The following GLS variants were observed in gnomAD, a reference collection of about 807,000 sequenced individuals.
The protein encoded by GLS is glutaminase kidney isoform, mitochondrial.
GLS carries 36 observed loss-of-function variants against 86.7 expected under a neutral mutation model. The ratio of observed to expected loss-of-function variants is 0.42; its 90% confidence interval spans 0.32 to 0.55. The LOEUF (loss-of-function observed/expected upper bound fraction) is 0.55, where lower values mean the gene tolerates loss of function less well. Ranked by LOEUF, GLS falls within the 20% of genes least tolerant of loss-of-function variation. The pLI is 0.17. For synonymous variants in GLS, 317 were observed against 305.9 expected (o/e 1.04, Z -0.38); for missense variants, 528 against 833.4 (o/e 0.63, Z 4.51).
intron 14 of GLS, among the ~76,000 whole-genome samples, chr2:190,946,471 G>T (rs985847538): frequency 6.6e-6 from 1 of 151,890 alleles, no homozygotes; most frequent in Admixed American, 6.6e-5. Context: ...AACTAGAGGT[G>T]GTAGAAACAG....
At chr2:190,915,008 A>G (rs1049725766) in intron 7 of GLS, among the ~76,000 whole-genome samples, 1 of 152,002 alleles carries the variant, frequency 6.6e-6, no homozygotes, top group Non-Finnish European at 1.5e-5. Context: ...ATTTACAGAA[A>G]AATTTTATAA....
intron 14 of GLS, chr2:190,934,323 A>G: frequency 1.0e-6 from 1 of 963,992 alleles, no homozygotes; most frequent in Non-Finnish European, 1.2e-6. Flanking sequence ...GGGAACTGTG[A>G]TATTAAGAAA....
In GLS at chr2:190,953,950, ATGTGTGTGTGTGTGTGTGTGTGTGTGTG is replaced by A. The variant is rs57991546; in HGVS notation, c.1712+343_1712+370del. 3.7e-5 allele frequency among the ~76,000 whole-genome samples: 5 copies of A among 136,768 alleles called. No homozygotes were observed. Among genetic ancestry groups the A allele is most frequent in the South Asian group, 2.6e-4 (1 of 3,892 alleles). The allele number at this position is 136,768 out of a possible 152,430, so 89.7% of individuals were successfully genotyped here. On this transcript the variant is annotated intron_variant, in intron 15 of 17. Transcript: ENST00000320717. This position sits in a 1 kb window ranked among gnomAD's most constrained non-coding sequence, Gnocchi z 4.0. The stretch of plus-strand genomic sequence containing the variant: ...CTACCCTCCATTCCCAATCTTTGAT[ATGTGTGTGTGTGTGTGTGTGTGTGTGTG>A]TGTGTGTGTGTGTGTGTGAAGCAGC...
Position 190,953,274 on chromosome 2 carries a change from C to A in GLS, c.1651-291C>A, listed in dbSNP as rs947033917. On this transcript the variant is annotated intron_variant, in intron 14 of 17. Transcript: ENST00000320717. This position sits in a 1 kb window ranked among gnomAD's most constrained non-coding sequence, Gnocchi z 4.0. ...GCTTCTAAACAATTTTCAGTTGCCC[C>A]AACTGTATGAGTTTCACAAAATTCC... Among the ~76,000 whole-genome samples the A allele has an allele frequency of 2.6e-5, 4 of 152,178 alleles. No homozygotes were observed. Among genetic ancestry groups the A allele is most frequent in the Non-Finnish European group, 4.4e-5 (3 of 68,020 alleles).
At position 190,921,307 on chromosome 2, in the gene GLS, C is replaced by T; in HGVS notation, c.1130+104C>T. On this transcript the variant is annotated intron_variant, in intron 9 of 17. Coordinates refer to ENST00000320717, the MANE Select transcript of GLS (RefSeq NM_014905.5). The surrounding 1 kb of genome is among the most constrained non-coding windows in gnomAD (Gnocchi z 4.2). ...GGGAAATGAATGATTTCTAAATTAC[C>T]TGACAGAAACACTTAAAAATACTTT... 8.5e-6 allele frequency: 7 copies of T among 822,862 alleles called. No homozygotes were observed. The South Asian group carries it at 1.0e-4, about 12-fold the overall frequency. 51.0% of individuals were successfully genotyped at this position (822,862 alleles called of 1,614,324 possible).
At chr2:190,906,369 G>A (rs1287961104) in intron 6 of GLS, among the ~76,000 whole-genome samples, 1 of 152,090 alleles carries the variant, frequency 6.6e-6, no homozygotes, top group Non-Finnish European at 1.5e-5. Flanking sequence ...TAATTTGAAT[G>A]TTTAGAGGAT....
chr2:190,880,846 G>C lies in GLS; in HGVS notation c.-239G>C. The C allele has an allele frequency of 3.7e-6, 3 of 805,426 alleles. No individual in the cohort carries two copies. The highest frequency in any genetic ancestry group is 6.1e-6 in the Non-Finnish European group (3 of 492,740). The allele number at this position is 805,426 out of a possible 1,614,324, so 49.9% of individuals were successfully genotyped here. On this transcript the variant is annotated 5_prime_UTR_variant, in exon 1 of 18. Transcript: ENST00000320717. ...AGTGCGGAGCCTTAGGCGGAGCGAA[G>C]AGAACCGGTCGCGGCAATCCTAGCG...
chr2:190,885,703 CAT>C lies in GLS; in HGVS notation c.386+4236_386+4237del, dbSNP rs546066957. ...ATTTGGTTTTAATTTTAAAAGCTAA[CAT>C]ATTTACAATTCACTTAAGCTAAAAT... On this transcript the variant is annotated intron_variant, in intron 1 of 17. Coordinates refer to ENST00000320717, the MANE Select transcript of GLS (RefSeq NM_014905.5). 6.1e-3 allele frequency among the ~76,000 whole-genome samples: 932 copies of C among 152,214 alleles called. 8 individuals carry two copies. The highest frequency in any genetic ancestry group is 0.021 in the African/African-American group (888 of 41,538).
rs907740702 is a variant in GLS, at chr2:190,895,392, G to C, written c.483+144G>C. 13 of 541,730 alleles carry C rather than the reference G, an allele frequency of 2.4e-5. No individual in the cohort carries two copies. Among genetic ancestry groups the C allele is most frequent in the Non-Finnish European group, 3.9e-5 (12 of 308,580 alleles). 33.6% of individuals were successfully genotyped at this position (541,730 alleles called of 1,614,324 possible). ...TCTCTTATTATGTTTTCAAATTTTT[G>C]TCATGCTCATTTCAAGGTAATCAGT... On this transcript the variant is annotated intron_variant, in intron 2 of 17. Coordinates refer to ENST00000320717, the MANE Select transcript of GLS (RefSeq NM_014905.5). The surrounding 1 kb of genome is among the most constrained non-coding windows in gnomAD (Gnocchi z 4.2).
chr2:190,941,375 A>G (rs1448645510), intron 14 of GLS, among the ~76,000 whole-genome samples: 3 of 152,214 alleles, frequency 2.0e-5, no homozygotes, highest in Non-Finnish European at 2.9e-5. Context: ...CAAATATGCA[A>G]TGTAGTTACT....
At position 190,933,676 on chromosome 2, in the gene GLS, T is replaced by C. The variant is rs1003335876; in HGVS notation, c.1650+2039T>C. ...CAAGTGAATTGTTCACCTAAACAAT[T>C]TTATTTTCATATTATCCACATAACT... On this transcript the variant is annotated intron_variant, in intron 14 of 17. Coordinates refer to ENST00000320717, the MANE Select transcript of GLS (RefSeq NM_014905.5). The C allele has an allele frequency of 3.1e-6, 3 of 959,502 alleles. No homozygotes were observed. The African/African-American group carries it at 5.3e-5, about 17-fold the overall frequency. The allele number at this position is 959,502 out of a possible 1,614,324, so 59.4% of individuals were successfully genotyped here.
rs1001902024 is a variant in GLS at position 190,921,180 on chromosome 2, A to G, written c.1107A>G (p.Glu369=). Residue 369 remains glutamate, a synonymous_variant, in exon 9 of 18, where the codon GAA becomes GAG. Transcript: ENST00000320717. This position sits in a 1 kb window ranked among gnomAD's most constrained non-coding sequence, Gnocchi z 4.2. ...MQFLNKMAGN[E]YVGFSNATFQ... ...TTTTGAATAAGATGGCTGGTAATGA[A>G]TATGTTGGATTCAGTAATGCAACGT... 1.2e-6 allele frequency: 2 copies of G among 1,608,046 alleles called. No individual in the cohort carries two copies. Among genetic ancestry groups the G allele is most frequent in the African/African-American group, 1.3e-5 (1 of 74,760 alleles).
At chr2:190,900,100 A>G (rs1277045384) in intron 3 of GLS, among the ~76,000 whole-genome samples, 1 of 152,162 alleles carries the variant, frequency 6.6e-6, no homozygotes, top group Non-Finnish European at 1.5e-5. Context: ...AAAATATGTT[A>G]TAATGCAAAA....
rs1360913992 is a variant in GLS, at chr2:190,949,107, A to G, written c.1651-4458A>G. 6.6e-6 allele frequency among the ~76,000 whole-genome samples: 1 copy of G among 152,186 alleles called. No individual in the cohort carries two copies. Among genetic ancestry groups the G allele is most frequent in the Non-Finnish European group, 1.5e-5 (1 of 68,030 alleles). ...GGTGTTCTTAAGAGCATAGACACCA[A>G]GACAAAAACAAGGGCAGTAAGACCA... On this transcript the variant is annotated intron_variant, in intron 14 of 17. Transcript: ENST00000320717. This position sits in a 1 kb window ranked among gnomAD's most constrained non-coding sequence, Gnocchi z 4.0.
intron 14 of GLS, among the ~76,000 whole-genome samples, chr2:190,941,729 AAAG>A (rs10532100): frequency 0.92 from 140,177 of 151,870 alleles, 64,754 homozygotes; most frequent in Non-Finnish European, 0.94. Context: ...TGAGAAGGGG[AAAG>A]AAGAAGGCAA....
intron 17 of GLS, among the ~76,000 whole-genome samples, chr2:190,958,879 GA>G (rs1247886437): frequency 6.6e-6 from 1 of 152,158 alleles, no homozygotes; most frequent in Non-Finnish European, 1.5e-5. Context: ...GTGGTGCTGA[GA>G]AAAATGTATA....
rs1300801457 is a variant in GLS at position 190,954,721 on chromosome 2, A to C, written c.1790-34A>C. ...AGATTTAATTTCTACTTAGTACTAA[A>C]ATCTGCTCTTTTTTTGGGGGTGGGA... On this transcript the variant is annotated intron_variant, in intron 16 of 17. Transcript: ENST00000320717. The surrounding 1 kb of genome is among the most constrained non-coding windows in gnomAD (Gnocchi z 4.0). 1 of 1,613,234 alleles carries C rather than the reference A, an allele frequency of 6.2e-7. No homozygotes were observed. Among genetic ancestry groups the C allele is most frequent in the African/African-American group, 1.3e-5 (1 of 75,026 alleles).
At chr2:190,929,853 TA>T (rs201963406) in intron 12 of GLS, among the ~76,000 whole-genome samples, 2 of 151,348 alleles carry the variant, frequency 1.3e-5, no homozygotes, top group Non-Finnish European at 2.9e-5. Context: ...TATATATATA[TA>T]TTTTTTTTTT....
chr2:190,934,538 T>C (rs1257663418), intron 14 of GLS: 11 of 983,782 alleles, frequency 1.1e-5, no homozygotes, highest in Non-Finnish European at 1.3e-5. Flanking sequence ...TGCATATTTA[T>C]GTTAGTTGCA....
Sources: allele counts gnomAD v4.1 joint callset (sites outside exome capture counted in the v4.1 genomes callset), GRCh38; gene constraint gnomAD v4.1.1; non-coding constraint Gnocchi (gnomAD v3.1); transcripts MANE v1.5; gene names NCBI Gene and HGNC (gene_info 2026-07-23, HGNC 2026-07-21).